Variants in EXOSC4 observed in about 807,000 individuals in gnomAD.
The protein encoded by EXOSC4 is exosome component 4, also known as exosome complex component RRP41.
In EXOSC4, 14 loss-of-function variants were observed where a neutral mutation model predicts 20.0. The observed-to-expected ratio is 0.70, with a 90% CI of 0.46 to 1.09. The LOEUF (loss-of-function observed/expected upper bound fraction) is 1.09. Among genes scored for constraint, EXOSC4 ranks in the 50% least tolerant of loss-of-function variants. EXOSC4 has a pLI of 0.00. For synonymous variants in EXOSC4, 148 were observed against 146.4 expected (o/e 1.01, Z -0.08); for missense variants, 337 against 334.0 (o/e 1.01, Z -0.07).
chr8:144,064,840 CTTTTTTT>C, the EXOSC4 span, among the ~76,000 whole-genome samples: 1 of 136,698 alleles, frequency 7.3e-6, no homozygotes. Context: ...TCCAATCTGT[CTTTTTTT>C]TTTTTTTTTT....
At chr8:144,079,778 C>A (rs782429055) in intron 1 of EXOSC4, 165 bp from the exon 2 acceptor site, 1 of 772,168 alleles carries the variant, frequency 1.3e-6, no homozygotes, top group Non-Finnish European at 2.3e-6. Context: ...TGCCAGAGGG[C>A]GACACATGCA....
the EXOSC4 span, among the ~76,000 whole-genome samples, chr8:144,073,247 G>A: frequency 5.9e-5 from 9 of 152,234 alleles, no homozygotes; most frequent in East Asian, 1.9e-4. Flanking sequence ...TTAGCCAGGC[G>A]TGGTGGCGGG....
chr8:144,070,755 G>C, the EXOSC4 span, among the ~76,000 whole-genome samples: 1 of 151,960 alleles, frequency 6.6e-6, no homozygotes, highest in Non-Finnish European at 1.5e-5. Context: ...TTGAACCCGG[G>C]AGGCAGAAGT....
the EXOSC4 span, among the ~76,000 whole-genome samples, chr8:144,073,254 C>T: frequency 6.6e-6 from 1 of 152,076 alleles, no homozygotes. Flanking sequence ...GGCGTGGTGG[C>T]GGGCGCCTGT....
chr8:144,074,798 A>G (rs1342946263), upstream of EXOSC4, among the ~76,000 whole-genome samples: 1 of 151,036 alleles, frequency 6.6e-6, no homozygotes, highest in East Asian at 2.0e-4. Context: ...GGTCTCGGAC[A>G]CCTGGCCTCA....
At chr8:144,072,211 C>T in the EXOSC4 span, among the ~76,000 whole-genome samples, 5 of 152,004 alleles carry the variant, frequency 3.3e-5, no homozygotes, top group African/African-American at 4.8e-5. Context: ...GACGGAGTCT[C>T]GCTCTGTTGC....
At chr8:144,078,642 G>T, upstream of EXOSC4, 7 of 1,320,910 alleles carry the variant, frequency 5.3e-6, no homozygotes, top group Non-Finnish European at 6.8e-6. The surrounding 1 kb of genome is among the most constrained non-coding windows in gnomAD (Gnocchi z 4.7). Context: ...GGAAACCGTA[G>T]ATTCCGGGCG....
the EXOSC4 span, among the ~76,000 whole-genome samples, chr8:144,068,601 C>T: frequency 6.6e-6 from 1 of 152,230 alleles, no homozygotes. Flanking sequence ...AGCCCTCTCA[C>T]TTTGGAAATT....
intron 1 of EXOSC4, chr8:144,079,487 C>A: frequency 2.9e-6 from 1 of 340,868 alleles, no homozygotes; most frequent in South Asian, 2.4e-5. Context: ...GCGAAGACCA[C>A]GGTGGTGAAA....
Position 144,080,463 on chromosome 8 carries a change from G to T in EXOSC4, c.600G>T (p.Glu200Asp), listed in dbSNP as rs1554763341. ...LPASGQIALL[E>D]MDARLHEDHL... is the part of the protein sequence containing the mutation. ...CCTCAGGACAGATTGCGCTGCTTGA[G>T]ATGGATGCCCGGCTGCACGAGGACC... The change falls in exon 3 of 3, where the codon GAG (glutamate) becomes GAT (aspartate). Residue 200 changes from glutamate to aspartate, a missense_variant. By Grantham distance (45) the Glu-to-Asp change is conservative (BLOSUM62 2). Coordinates refer to ENST00000316052, the MANE Select transcript of EXOSC4 (RefSeq NM_019037.3). This position sits in a 1 kb window ranked among gnomAD's most constrained non-coding sequence, Gnocchi z 4.9. The T allele has an allele frequency of 6.2e-7, 1 of 1,609,252 alleles. No homozygotes were observed. Among genetic ancestry groups the T allele is most frequent in the African/African-American group, 1.3e-5 (1 of 75,046 alleles).
At chr8:144,071,761 G>T in the EXOSC4 span, among the ~76,000 whole-genome samples, 1 of 151,982 alleles carries the variant, frequency 6.6e-6, no homozygotes, top group Admixed American at 6.5e-5. Context: ...AGGATCACTT[G>T]AGCCTAGGAG....
upstream of EXOSC4, chr8:144,078,665 G>C (rs1554763008): frequency 7.4e-7 from 1 of 1,342,572 alleles, no homozygotes; most frequent in Non-Finnish European, 9.6e-7. This position sits in a 1 kb window ranked among gnomAD's most constrained non-coding sequence, Gnocchi z 4.7. Flanking sequence ...CGGAGCCGCC[G>C]GGAGCTGTAG....
the EXOSC4 span, among the ~76,000 whole-genome samples, chr8:144,068,900 G>C: frequency 6.6e-6 from 1 of 152,208 alleles, no homozygotes; most frequent in Admixed American, 6.5e-5. Flanking sequence ...GGAGAAGCAG[G>C]CCACCACGCC....
chr8:144,071,166 C>T, the EXOSC4 span, among the ~76,000 whole-genome samples: 19 of 107,456 alleles, frequency 1.8e-4, no homozygotes, highest in Non-Finnish European at 3.3e-4. Context: ...TTCCTTTCTC[C>T]CTCCCCTCCC....
At chr8:144,072,474 C>G in the EXOSC4 span, among the ~76,000 whole-genome samples, 17 of 152,300 alleles carry the variant, frequency 1.1e-4, no homozygotes, top group Non-Finnish European at 2.1e-4. Flanking sequence ...AGCCACCGCG[C>G]CCGACCTACA....
the EXOSC4 span, among the ~76,000 whole-genome samples, chr8:144,064,195 A>G: frequency 6.6e-6 from 1 of 152,314 alleles, no homozygotes; most frequent in Admixed American, 6.5e-5. Flanking sequence ...TCCTCCTCCT[A>G]GAAGATGGAA....
upstream of EXOSC4, among the ~76,000 whole-genome samples, chr8:144,075,567 T>C (rs1835829451): frequency 2.0e-5 from 3 of 151,992 alleles, no homozygotes; most frequent in Non-Finnish European, 4.4e-5. Context: ...GAGATGGGGT[T>C]TTGCCATGTT....
chr8:144,075,229 A>ATTTTT (rs782139585), upstream of EXOSC4, among the ~76,000 whole-genome samples: 7,165 of 132,006 alleles, frequency 0.054, 666 homozygotes, highest in African/African-American at 0.19. Flanking sequence ...TGTCCAGTTA[A>ATTTTT]TTTTTTTTTT....
At chr8:144,077,828 C>T (rs1835850352), upstream of EXOSC4, among the ~76,000 whole-genome samples, 1 of 152,186 alleles carries the variant, frequency 6.6e-6, no homozygotes, top group African/African-American at 2.4e-5. Context: ...AGGTGTGCTG[C>T]CTGACAGGCA....
Sources: allele counts gnomAD v4.1 joint callset (sites outside exome capture counted in the v4.1 genomes callset), GRCh38; gene constraint gnomAD v4.1.1; non-coding constraint Gnocchi (gnomAD v3.1); transcripts MANE v1.5; gene names NCBI Gene and HGNC (gene_info 2026-07-23, HGNC 2026-07-21).